PLXNA4: variants seen among roughly 807,000 people sequenced by gnomAD.
PLXNA4 encodes the protein plexin A4.
Under a neutral mutation model 191.8 loss-of-function variants are expected in PLXNA4, and 44 were observed. The observed-to-expected ratio is 0.23, with a 90% CI of 0.18 to 0.29. The LOEUF is 0.29. PLXNA4 is among the 10% of genes least tolerant of loss of function. The pLI is 1.00. For synonymous variants in PLXNA4, 1,082 were observed against 1,009.5 expected (o/e 1.07, Z -1.36); for missense variants, 1,800 against 2,488.8 (o/e 0.72, Z 5.89).
At chr7:132,527,539 CAAAAAAAA>C (rs34598256) in intron 1 of PLXNA4, among the ~76,000 whole-genome samples, 5 of 59,716 alleles carry the variant, frequency 8.4e-5, no homozygotes, top group Non-Finnish European at 1.5e-4. Context: ...GAAACAGACT[CAAAAAAAA>C]AAAAAAAAAA....
At chr7:132,638,505 A>G (rs1040819286) in intron 2 of PLXNA4, among the ~76,000 whole-genome samples, 1 of 152,008 alleles carries the variant, frequency 6.6e-6, no homozygotes, top group African/African-American at 2.4e-5. Context: ...TACAAAAATT[A>G]ACTGGGCGTG....
intron 3 of PLXNA4, among the ~76,000 whole-genome samples, chr7:132,448,631 C>T (rs1486010995): frequency 6.6e-6 from 1 of 152,150 alleles, no homozygotes; most frequent in East Asian, 1.9e-4. Context: ...AACTAGGAAA[C>T]ATCTTATTCC....
At position 132,348,122 on chromosome 7, in the gene PLXNA4, A is replaced by G. The variant is rs565666066; in HGVS notation, c.1372-49900T>C. On this transcript the variant is annotated intron_variant, in intron 3 of 31. Coordinates refer to ENST00000321063, the MANE Select transcript of PLXNA4 (RefSeq NM_020911.2). ...CTTCTCCCTACCCGCCCATTACTCA[A>G]TTGGAAAGATTAGGGTAATGAATGA... Among the ~76,000 whole-genome samples, 15 of 152,294 alleles carry G rather than the reference A, an allele frequency of 9.8e-5. No homozygotes were observed. In the East Asian group the frequency reaches 2.3e-3, roughly 24 times the overall value.
intron 1 of PLXNA4, among the ~76,000 whole-genome samples, chr7:132,569,666 A>C (rs1310798544): frequency 2.6e-5 from 4 of 152,242 alleles, no homozygotes; most frequent in Non-Finnish European, 5.9e-5. Context: ...TTTGTATCCA[A>C]AGCCTAGCTT....
At chr7:132,573,745 C>T (rs975024825) in intron 1 of PLXNA4, among the ~76,000 whole-genome samples, 1 of 152,162 alleles carries the variant, frequency 6.6e-6, no homozygotes, top group African/African-American at 2.4e-5. Context: ...CCTGGGAGGA[C>T]AGATGAGAGC....
intron 3 of PLXNA4, among the ~76,000 whole-genome samples, chr7:132,446,175 T>A (rs182365604): frequency 6.6e-6 from 1 of 152,334 alleles, no homozygotes; most frequent in Admixed American, 6.5e-5. Context: ...CCGTTGTTGA[T>A]GGTTAAACAA....
chr7:132,145,010 A>T, intron 29 of PLXNA4, 109 bp downstream of exon 29: 1 of 1,520,196 alleles, frequency 6.6e-7, no homozygotes, highest in Non-Finnish European at 9.0e-7. Flanking sequence ...GCTGATGAAA[A>T]CAGGCTCTGG....
intron 2 of PLXNA4, among the ~76,000 whole-genome samples, chr7:132,634,075 C>T (rs1343649180): frequency 1.3e-5 from 2 of 152,048 alleles, no homozygotes; most frequent in Non-Finnish European, 2.9e-5. Flanking sequence ...TTTGGAGTTC[C>T]AAGCTAAGAA....
intron 9 of PLXNA4, among the ~76,000 whole-genome samples, chr7:132,214,372 G>T (rs908081204): frequency 1.3e-5 from 2 of 152,282 alleles, no homozygotes; most frequent in African/African-American, 4.8e-5. Context: ...ATATAAAAAG[G>T]TTGGCAGCTC....
At chr7:132,580,718 TG>T (rs1802385759), upstream of PLXNA4, among the ~76,000 whole-genome samples, 1 of 152,228 alleles carries the variant, frequency 6.6e-6, no homozygotes, top group African/African-American at 2.4e-5. Context: ...CTAGGAACAG[TG>T]CTGCTATTTA....
intron 3 of PLXNA4, among the ~76,000 whole-genome samples, chr7:132,482,022 T>C (rs1797357017): frequency 6.6e-6 from 1 of 152,184 alleles, no homozygotes; most frequent in Non-Finnish European, 1.5e-5. Flanking sequence ...CCGTGTCCTT[T>C]TCCACACTAC....
chr7:132,548,003 T>C (rs1214757196), intron 1 of PLXNA4, among the ~76,000 whole-genome samples: 1 of 152,138 alleles, frequency 6.6e-6, no homozygotes, highest in Admixed American at 6.5e-5. Flanking sequence ...GATCTAATGC[T>C]GTTGAACAAA....
intron 4 of PLXNA4, among the ~76,000 whole-genome samples, chr7:132,290,583 T>C (rs958926522): frequency 2.6e-5 from 4 of 152,140 alleles, no homozygotes; most frequent in Admixed American, 2.6e-4. Context: ...ACCACACTCA[T>C]ATACATGCAT....
At chr7:132,561,937 C>G (rs1381564811) in intron 1 of PLXNA4, among the ~76,000 whole-genome samples, 1 of 141,998 alleles carries the variant, frequency 7.0e-6, no homozygotes, top group African/African-American at 2.7e-5. Context: ...TCCTCCTCCT[C>G]CTTACCCTCC....
intron 3 of PLXNA4, among the ~76,000 whole-genome samples, chr7:132,410,516 G>A (rs1381379697): frequency 6.6e-6 from 1 of 152,210 alleles, no homozygotes; most frequent in East Asian, 1.9e-4. Flanking sequence ...CCAACGGGCA[G>A]TGAGGAGATC....
At chr7:132,393,846 T>C (rs1793627394) in intron 3 of PLXNA4, among the ~76,000 whole-genome samples, 1 of 152,182 alleles carries the variant, frequency 6.6e-6, no homozygotes, top group African/African-American at 2.4e-5. Flanking sequence ...CTTCAGACCA[T>C]GGCAGCAGAG....
At chr7:132,380,772 G>A (rs1053321986) in intron 3 of PLXNA4, among the ~76,000 whole-genome samples, 14 of 152,204 alleles carry the variant, frequency 9.2e-5, no homozygotes, top group African/African-American at 2.4e-4. Context: ...CTAAAGCACC[G>A]ATTGCTGGTC....
At chr7:132,449,052 T>A (rs1277634970) in intron 3 of PLXNA4, among the ~76,000 whole-genome samples, 1 of 152,186 alleles carries the variant, frequency 6.6e-6, no homozygotes, top group East Asian at 1.9e-4. Context: ...AACCACTGGT[T>A]TATGATCAGA....
At chr7:132,623,007 C>A (rs1179485421) in intron 2 of PLXNA4, among the ~76,000 whole-genome samples, 1 of 152,050 alleles carries the variant, frequency 6.6e-6, no homozygotes, top group African/African-American at 2.4e-5. Flanking sequence ...GAAACCAACC[C>A]ACCCCTCCAG....
Sources: allele counts gnomAD v4.1 joint callset (sites outside exome capture counted in the v4.1 genomes callset), GRCh38; gene constraint gnomAD v4.1.1; transcripts MANE v1.5; gene names NCBI Gene and HGNC (gene_info 2026-07-23, HGNC 2026-07-21).